The following THADA variants were observed in gnomAD, a reference collection of about 807,000 sequenced individuals.
THADA encodes the protein THADA armadillo repeat containing, also known as tRNA (32-2'-O)-methyltransferase regulator THADA.
THADA carries 213 observed loss-of-function variants against 219.8 expected under a neutral mutation model. The observed-to-expected ratio is 0.97, with a 90% CI of 0.87 to 1.09. The LOEUF is 1.09. THADA is among the 50% of genes least tolerant of loss of function. THADA has a pLI of 0.00. For missense variants in THADA, 2,956 were observed against 2,311.3 expected (o/e 1.28, Z -5.72); for synonymous variants, 1,018 against 828.9 (o/e 1.23, Z -3.92).
intron 29 of THADA, among the ~76,000 whole-genome samples, chr2:43,367,100 G>T (rs1321694624): frequency 6.6e-6 from 1 of 152,186 alleles, no homozygotes; most frequent in East Asian, 1.9e-4. Flanking sequence ...AATACTGTAT[G>T]ATTTCCCTTA....
Position 43,556,513 on chromosome 2 carries a change from G to C in THADA, c.2506C>G (p.Leu836Val). Residue 836 changes from leucine to valine, a missense_variant, in exon 17 of 38, where the codon CTC becomes GTC. By Grantham distance (32) the Leu-to-Val change is conservative. Coordinates refer to ENST00000405975, the MANE Select transcript of THADA (RefSeq NM_022065.5). ...TCGTATGGTTTGGTGCTTGTGCTGA[G>C]CTCCAATGCTGCCTGAAATAAGCCT... ...LQGLFQAALE[L>V]STSTKPYDCV... The C allele has an allele frequency of 1.9e-6, 3 of 1,613,724 alleles. No homozygotes were observed. The highest frequency in any genetic ancestry group is 2.2e-5 in the East Asian group (1 of 44,892).
chr2:43,499,588 G>A (rs994579810), intron 24 of THADA, among the ~76,000 whole-genome samples: 1 of 152,086 alleles, frequency 6.6e-6, no homozygotes, highest in Non-Finnish European at 1.5e-5. Flanking sequence ...TGTTGGCCAG[G>A]CTGGTCTTGA....
chr2:43,542,740 T>C (rs908353149), intron 20 of THADA, among the ~76,000 whole-genome samples: 5 of 152,234 alleles, frequency 3.3e-5, no homozygotes, highest in Non-Finnish European at 7.3e-5. Context: ...GTTCATTATA[T>C]AGCACTGCTC....
At chr2:43,443,766 AG>A (rs1681157824) in intron 26 of THADA, among the ~76,000 whole-genome samples, 1 of 152,230 alleles carries the variant, frequency 6.6e-6, no homozygotes, top group Admixed American at 6.5e-5. Context: ...GCAAAAGGTG[AG>A]TTATTCCCTC....
chr2:43,595,326 A>G (rs1423643188), intron 1 of THADA, among the ~76,000 whole-genome samples: 1 of 152,212 alleles, frequency 6.6e-6, no homozygotes, highest in Non-Finnish European at 1.5e-5. Flanking sequence ...AGTGTCGACA[A>G]CAGAATAATT....
At chr2:43,354,855 G>A (rs1373206679) in intron 29 of THADA, among the ~76,000 whole-genome samples, 4 of 152,136 alleles carry the variant, frequency 2.6e-5, no homozygotes, top group Admixed American at 6.5e-5. Flanking sequence ...CATGGGGGTG[G>A]TTATCCTCAT....
At chr2:43,501,233 G>C (rs1375305141) in intron 24 of THADA, among the ~76,000 whole-genome samples, 1 of 145,378 alleles carries the variant, frequency 6.9e-6, no homozygotes, top group African/African-American at 2.6e-5. Context: ...TTGAACCCAG[G>C]AGGCGGAGGT....
Position 43,461,697 on chromosome 2 carries a change from G to T in THADA, c.3836+23537C>A, listed in dbSNP as rs539630660. ...ATGGACCTTCAGAGTTGTCCCTTGT[G>T]CATCGTTTGGAGAGGCAGTTTCTCC... On this transcript the variant is annotated intron_variant, in intron 26 of 37. Transcript: ENST00000405975. Among the ~76,000 whole-genome samples, 9 of 152,318 alleles carry T rather than the reference G, an allele frequency of 5.9e-5. No individual in the cohort carries two copies. In the Middle Eastern group the frequency reaches 0.017, roughly 288 times the overall value.
intron 30 of THADA, among the ~76,000 whole-genome samples, chr2:43,326,387 G>T (rs1323750526): frequency 6.6e-6 from 1 of 152,136 alleles, no homozygotes; most frequent in African/African-American, 2.4e-5. Flanking sequence ...CAAAGACTTG[G>T]GGACATGACA....
At chr2:43,264,145 T>G (rs1466787892) in intron 36 of THADA, among the ~76,000 whole-genome samples, 3 of 152,198 alleles carry the variant, frequency 2.0e-5, no homozygotes, top group African/African-American at 4.8e-5. Context: ...GACTGATTTT[T>G]TTTTTTAAAG....
intron 22 of THADA, among the ~76,000 whole-genome samples, chr2:43,512,282 T>A (rs2105109869): frequency 6.6e-6 from 1 of 152,238 alleles, no homozygotes; most frequent in South Asian, 2.1e-4. Flanking sequence ...TTACGCAGAA[T>A]TCTTTACTTA....
chr2:43,551,868 G>C lies in THADA; in HGVS notation c.2868C>G (p.Ser956=). 2 of 1,613,820 alleles carry C rather than the reference G, an allele frequency of 1.2e-6. No individual in the cohort carries two copies. The highest frequency in any genetic ancestry group is 1.7e-6 in the Non-Finnish European group (2 of 1,179,834). ...GAGACACCACAGTGGAAAGCCTGTA[G>C]GACATCAAAAGGAGCTTCTCTACCA... ...RPVVEKLLLM[S]YRLSTVVSPV... The change falls in exon 19 of 38, where the codon TCC becomes TCG. Residue 956 remains serine, a synonymous_variant. Transcript: ENST00000405975.
intron 29 of THADA, among the ~76,000 whole-genome samples, chr2:43,388,459 G>A (rs564025497): frequency 2.0e-5 from 3 of 152,152 alleles, no homozygotes; most frequent in Non-Finnish European, 4.4e-5. Context: ...ATCTATCTAG[G>A]AGGATCCTGT....
chr2:43,512,984 G>T (rs990872324), intron 22 of THADA, among the ~76,000 whole-genome samples: 4 of 152,172 alleles, frequency 2.6e-5, no homozygotes, highest in African/African-American at 9.7e-5. Flanking sequence ...AGATGAGAGG[G>T]AATATATCAC....
chr2:43,503,905 C>CA (rs1255195253), intron 24 of THADA, among the ~76,000 whole-genome samples: 2 of 152,046 alleles, frequency 1.3e-5, no homozygotes, highest in Admixed American at 1.3e-4. Flanking sequence ...AAAAATAGCA[C>CA]AGGTAGAGCA....
At chr2:43,521,313 G>C (rs1458064031) in intron 22 of THADA, among the ~76,000 whole-genome samples, 1 of 152,160 alleles carries the variant, frequency 6.6e-6, no homozygotes, top group African/African-American at 2.4e-5. Context: ...CCAGCACTTT[G>C]GGAGGCCGAG....
intron 22 of THADA, among the ~76,000 whole-genome samples, chr2:43,510,660 T>TA (rs397729303): frequency 0.34 from 41,082 of 122,266 alleles, 6,659 homozygotes; most frequent in Non-Finnish European, 0.4. Flanking sequence ...TTCTTCACTG[T>TA]AAAAAAAAAA....
intron 31 of THADA, among the ~76,000 whole-genome samples, chr2:43,319,117 G>A (rs1372144401): frequency 6.6e-6 from 1 of 152,132 alleles, no homozygotes; most frequent in Non-Finnish European, 1.5e-5. Flanking sequence ...ATACAGAAAT[G>A]GTGGAAATCT....
chr2:43,312,426 T>C (rs1199293019), intron 31 of THADA, among the ~76,000 whole-genome samples: 2 of 152,160 alleles, frequency 1.3e-5, no homozygotes, highest in Non-Finnish European at 2.9e-5. Context: ...ACCAGCTGTG[T>C]AACCTTGGGT....
Sources: gnomAD v4.1 joint callset for allele counts (sites outside exome capture counted in the v4.1 genomes callset) on GRCh38, gnomAD v4.1.1 for gene constraint, MANE v1.5 for transcripts, NCBI Gene and HGNC (gene_info 2026-07-23, HGNC 2026-07-21) for gene names.